The following ZNF331 variants were observed in gnomAD, a reference collection of about 807,000 sequenced individuals.
ZNF331 encodes zinc finger protein 331, also known as C2H2-like zinc finger protein rearranged in thyroid adenomas.
Under a neutral mutation model 7.0 loss-of-function variants are expected in ZNF331, and 2 were observed. That is an observed-to-expected ratio of 0.29 (90% confidence interval 0.12 to 0.90). ZNF331 has a LOEUF of 0.90. ZNF331 is among the 40% of genes least tolerant of loss of function. The pLI, the probability that ZNF331 is intolerant of heterozygous loss-of-function variation, is 0.58. For synonymous variants in ZNF331, 196 were observed against 205.4 expected, an observed-to-expected ratio of 0.95 and a Z score of 0.39; for missense variants, 432 against 587.7, an observed-to-expected ratio of 0.74 and a Z score of 2.74.
intron 5 of ZNF331, among the ~76,000 whole-genome samples, chr19:53,575,536 T>C (rs528823890): frequency 6.9e-6 from 1 of 144,260 alleles, no homozygotes; most frequent in East Asian, 2.1e-4. Context: ...CGGAGTCTTA[T>C]TCAGTCGGCT....
chr19:53,530,026 A>C (rs2087470576), intron 2 of ZNF331, among the ~76,000 whole-genome samples: 1 of 152,154 alleles, frequency 6.6e-6, no homozygotes, highest in Admixed American at 6.5e-5. Context: ...GCTGAAAAGG[A>C]AGCATGGTAT....
chr19:53,578,018 A>G lies in ZNF331; in HGVS notation c.*66A>G. On this transcript the variant is annotated 3_prime_UTR_variant, in exon 6 of 6. Coordinates refer to ENST00000449416, the MANE Select transcript of ZNF331 (RefSeq NM_001079906.2). ...TCGCTTTCCACAGTTTGTTACCTGC[A>G]GTCAACTGCAGTTCAAAAATATTAA... 4 of 1,481,022 alleles carry G rather than the reference A, an allele frequency of 2.7e-6. No individual in the cohort carries two copies. The highest frequency in any genetic ancestry group is 3.6e-6 in the Non-Finnish European group (4 of 1,107,392). 91.7% of individuals were successfully genotyped at this position (1,481,022 alleles called of 1,614,324 possible).
At chr19:53,570,747 G>A (rs545295322) in intron 4 of ZNF331, among the ~76,000 whole-genome samples, 21 of 151,852 alleles carry the variant, frequency 1.4e-4, no homozygotes, top group Non-Finnish European at 2.9e-4. Flanking sequence ...GGTCAACCTG[G>A]TCTCGAACCC....
At position 53,556,860 on chromosome 19, in the gene ZNF331, C is replaced by T. The variant is rs1600383040; in HGVS notation, c.-74+952C>T. On this transcript the variant is annotated intron_variant, in intron 3 of 5. Transcript: ENST00000449416. ...TCGCTTTGTCATCCAGGTTGGAGTGCAGTGGCACAATCTTGGCTCACTTCA... is the reference window on the plus strand; with the variant it reads ...TCGCTTTGTCATCCAGGTTGGAGTGTAGTGGCACAATCTTGGCTCACTTCA... Among the ~76,000 whole-genome samples, 4 of 151,818 alleles carry T rather than the reference C, an allele frequency of 2.6e-5. No individual in the cohort carries two copies. In the South Asian group the frequency reaches 8.3e-4, roughly 32 times the overall value.
intron 2 of ZNF331, among the ~76,000 whole-genome samples, chr19:53,546,140 G>GAAAA (rs527391326): frequency 0.031 from 3,516 of 113,190 alleles, 121 homozygotes; most frequent in African/African-American, 0.036. Flanking sequence ...TCCTGAGGGG[G>GAAAA]AAAAAAAAAA....
the ZNF331 span, among the ~76,000 whole-genome samples, chr19:53,513,490 C>A: frequency 6.6e-6 from 1 of 152,174 alleles, no homozygotes; most frequent in Admixed American, 6.5e-5. Context: ...ACTGTCCCAA[C>A]AACAACGTAC....
At chr19:53,575,264 CT>C (rs2090654152) in intron 5 of ZNF331, among the ~76,000 whole-genome samples, 1 of 151,862 alleles carries the variant, frequency 6.6e-6, no homozygotes, top group Admixed American at 6.6e-5. Flanking sequence ...TAATAAAGGT[CT>C]GGTTTCCTAG....
In ZNF331 at chr19:53,556,431, T is replaced by G. The variant is rs920184076; in HGVS notation, c.-74+523T>G. 3.3e-5 allele frequency among the ~76,000 whole-genome samples: 5 copies of G among 152,078 alleles called. No individual in the cohort carries two copies. The South Asian group carries it at 1.0e-3, about 32-fold the overall frequency. ...CCTCTTAATTCTTGTCTTAGTTGATTCAGTCTGTGATAACAAAGTACCATA... is the reference window on the plus strand; with the variant it reads ...CCTCTTAATTCTTGTCTTAGTTGATGCAGTCTGTGATAACAAAGTACCATA... On this transcript the variant is annotated intron_variant, in intron 3 of 5. Coordinates refer to ENST00000449416, the MANE Select transcript of ZNF331 (RefSeq NM_001079906.2).
At chr19:53,522,227 G>A (rs2087111093) in intron 1 of ZNF331, 1 of 151,542 alleles carries the variant, frequency 6.6e-6, no homozygotes, top group Admixed American at 6.6e-5. Context: ...CTGTGGTCTG[G>A]GGACAAGTGT....
chr19:53,545,682 C>A (rs747941380), intron 2 of ZNF331, among the ~76,000 whole-genome samples: 1 of 152,220 alleles, frequency 6.6e-6, no homozygotes, highest in Non-Finnish European at 1.5e-5. Context: ...GCTTCCTCTG[C>A]CTTCACCTTC....
chr19:53,578,120 T>C lies in ZNF331; in HGVS notation c.*168T>C, dbSNP rs1164939586. 1 of 939,662 alleles carries C rather than the reference T, an allele frequency of 1.1e-6. No individual in the cohort carries two copies. Among genetic ancestry groups the C allele is most frequent in the Non-Finnish European group, 1.5e-6 (1 of 653,560 alleles). The allele number at this position is 939,662 out of a possible 1,614,324, so 58.2% of individuals were successfully genotyped here. On this transcript the variant is annotated 3_prime_UTR_variant, in exon 6 of 6. Coordinates refer to ENST00000449416, the MANE Select transcript of ZNF331 (RefSeq NM_001079906.2). ...TGAGTAGCGTGATGAAATCTCTCGC[T>C]GTCCGGCTCCAGCCGGCCGGGGATG...
chr19:53,532,599 A>C (rs946787274), intron 2 of ZNF331, among the ~76,000 whole-genome samples: 1 of 152,164 alleles, frequency 6.6e-6, no homozygotes, highest in Non-Finnish European at 1.5e-5. Flanking sequence ...TTTCAGAAGA[A>C]TATTTTGTGA....
chr19:53,567,377 G>A (rs2090206745), intron 3 of ZNF331, among the ~76,000 whole-genome samples: 1 of 152,090 alleles, frequency 6.6e-6, no homozygotes, highest in African/African-American at 2.4e-5. Context: ...GGCCAGGGTA[G>A]GCTCAGAATG....
rs926725146 is a variant in ZNF331 at position 53,577,368 on chromosome 19, C to A, written c.808C>A (p.Pro270Thr). 2 of 1,613,260 alleles carry A rather than the reference C, an allele frequency of 1.2e-6. No individual in the cohort carries two copies. Among genetic ancestry groups the A allele is most frequent in the Non-Finnish European group, 1.7e-6 (2 of 1,179,774 alleles). The change falls in exon 6 of 6, where the codon CCT becomes ACT. Residue 270 changes from proline (P) to threonine (T), a missense_variant. By Grantham distance (38) the Pro-to-Thr change is conservative. Transcript: ENST00000449416. Reference sequence around the variant, plus strand: ...CAAGAGAATTCATAGTGGGGAGAAGCCTTACGAGTGTAAAGACTGTGGGAA... The same window carrying A: ...CAAGAGAATTCATAGTGGGGAGAAGACTTACGAGTGTAAAGACTGTGGGAA... ...QHKRIHSGEK[P>T]YECKDCGKAF...
chr19:53,535,253 G>C (rs2087703430), upstream of ZNF331, among the ~76,000 whole-genome samples: 1 of 151,980 alleles, frequency 6.6e-6, no homozygotes, highest in African/African-American at 2.4e-5. Context: ...CACACATTCA[G>C]CTAATTTTTG....
upstream of ZNF331, among the ~76,000 whole-genome samples, chr19:53,535,189 G>C (rs537985342): frequency 6.6e-6 from 1 of 150,892 alleles, no homozygotes; most frequent in Non-Finnish European, 1.5e-5. Flanking sequence ...TCTGCCTCCC[G>C]GGTTCAAGAG....
intron 2 of ZNF331, among the ~76,000 whole-genome samples, chr19:53,543,808 G>T (rs2088354445): frequency 6.6e-6 from 1 of 152,172 alleles, no homozygotes; most frequent in Non-Finnish European, 1.5e-5. Context: ...GAGGCTAACT[G>T]CCAGGGTTCA....
intron 3 of ZNF331, among the ~76,000 whole-genome samples, chr19:53,561,384 ACT>A (rs889185436): frequency 2.0e-5 from 3 of 150,318 alleles, no homozygotes; most frequent in African/African-American, 7.4e-5. Context: ...CTTAGAGAAA[ACT>A]CTCTAAATTA....
At chr19:53,510,769 TATA>T in the ZNF331 span, among the ~76,000 whole-genome samples, 1 of 145,124 alleles carries the variant, frequency 6.9e-6, no homozygotes, top group East Asian at 1.9e-4. Context: ...AATTGATTTT[TATA>T]ATATTGATTT....
Sources: gnomAD v4.1 joint callset for allele counts (sites outside exome capture counted in the v4.1 genomes callset) on GRCh38, gnomAD v4.1.1 for gene constraint, MANE v1.5 for transcripts, NCBI Gene and HGNC (gene_info 2026-07-23, HGNC 2026-07-21) for gene names.